ANO4: variants seen among roughly 807,000 people sequenced by gnomAD.
ANO4 encodes the protein anoctamin-4.
ANO4 carries 69 observed loss-of-function variants against 141.9 expected under a neutral mutation model. The ratio of observed to expected loss-of-function variants is 0.49; its 90% CI spans 0.40 to 0.59. The LOEUF is 0.59. Ranked by LOEUF, ANO4 falls within the 20% of genes least tolerant of loss-of-function variation. The pLI is 0.00. For missense variants in ANO4, 894 were observed against 1,162.2 expected, an observed-to-expected ratio of 0.77 and a Z score of 3.36; for synonymous variants, 350 against 394.3, an observed-to-expected ratio of 0.89 and a Z score of 1.33.
At chr12:100,923,350 T>C (rs765541874) in intron 3 of ANO4, among the ~76,000 whole-genome samples, 9 of 143,252 alleles carry the variant, frequency 6.3e-5, no homozygotes, top group Non-Finnish European at 1.2e-4. Context: ...AATCATCTCA[T>C]TGTTCATTTC....
At chr12:100,740,099 A>C in exon 3 of ANO4, 1 of 702,418 alleles carries the variant, frequency 1.4e-6, no homozygotes. Context: ...GAGTCAAGAC[A>C]CAACAGGTAA....
chr12:101,070,307 A>G (rs1057257585), intron 14 of ANO4, among the ~76,000 whole-genome samples: 2 of 152,324 alleles, frequency 1.3e-5, no homozygotes, highest in African/African-American at 4.8e-5. Flanking sequence ...AAGTACTAGC[A>G]TAAAAAAACA....
intron 7 of ANO4, among the ~76,000 whole-genome samples, chr12:100,983,951 T>C (rs940834050): frequency 1.8e-4 from 28 of 152,224 alleles, no homozygotes; most frequent in African/African-American, 6.3e-4. Context: ...AGTGTTTGGT[T>C]TAGTCGTAGT....
At chr12:101,052,908 C>T (rs979439349) in intron 14 of ANO4, among the ~76,000 whole-genome samples, 5 of 152,160 alleles carry the variant, frequency 3.3e-5, no homozygotes, top group African/African-American at 1.2e-4. Flanking sequence ...GGTTATGCAA[C>T]TTGCCCAGGA....
At position 100,928,789 on chromosome 12, in the gene ANO4, C is replaced by CT. The variant is rs201414508; in HGVS notation, c.160+6467dup. On this transcript the variant is annotated intron_variant, in intron 3 of 27. Coordinates refer to ENST00000392977, the MANE Select transcript of ANO4 (RefSeq NM_001286615.2). ...TTATAGAAGTAACCAAGGTGTTCAC[C>CT]TTTTTTTTACAATGAAGTAGTAGTA... is the stretch of plus-strand genomic sequence containing the variant. 5.2e-3 allele frequency among the ~76,000 whole-genome samples: 791 copies of CT among 151,928 alleles called. 9 individuals carry two copies. The highest frequency in any genetic ancestry group is 0.018 in the African/African-American group (745 of 41,472).
chr12:101,037,048 G>A (rs764126299), intron 9 of ANO4, 47 bp from the exon 10 acceptor site: 12 of 1,556,414 alleles, frequency 7.7e-6, no homozygotes, highest in Admixed American at 1.7e-5. Flanking sequence ...AACATTGTGA[G>A]TATTCAAACT....
chr12:101,088,734 A>T (rs1037151961), intron 17 of ANO4, among the ~76,000 whole-genome samples: 16 of 151,434 alleles, frequency 1.1e-4, no homozygotes, highest in African/African-American at 1.9e-4. Flanking sequence ...TACAAACAAA[A>T]TTTTTTTTTA....
chr12:101,124,174 A>G (rs1016840564), intron 26 of ANO4, among the ~76,000 whole-genome samples: 1 of 152,158 alleles, frequency 6.6e-6, no homozygotes, highest in African/African-American at 2.4e-5. Context: ...CTGGTGTAAG[A>G]TGGTATCTCA....
At chr12:100,806,523 C>CTTTTTTTTT (rs1593379234) in intron 1 of ANO4, among the ~76,000 whole-genome samples, 978 of 44,954 alleles carry the variant, frequency 0.022, 291 homozygotes, top group Middle Eastern at 0.089. Context: ...TTTTTTGTTT[C>CTTTTTTTTT]GTTTTTTTTT....
intron 2 of ANO4, among the ~76,000 whole-genome samples, chr12:100,911,489 C>G (rs1297611817): frequency 1.3e-5 from 2 of 152,186 alleles, no homozygotes; most frequent in Non-Finnish European, 2.9e-5. Context: ...CTTGTGTAAT[C>G]GTCTTCAAAG....
intron 1 of ANO4, among the ~76,000 whole-genome samples, chr12:100,841,049 G>T (rs2037219203): frequency 6.6e-6 from 1 of 152,026 alleles, no homozygotes; most frequent in South Asian, 2.1e-4. Flanking sequence ...TTAATAGGAG[G>T]TGAGCAATGG....
chr12:101,017,355 C>T (rs1431953482), intron 8 of ANO4, among the ~76,000 whole-genome samples: 1 of 152,192 alleles, frequency 6.6e-6, no homozygotes, highest in Non-Finnish European at 1.5e-5. Flanking sequence ...TACCTCCCAC[C>T]AGGTCCCTCC....
chr12:100,936,098 A>C (rs2042275829), intron 3 of ANO4, among the ~76,000 whole-genome samples: 1 of 152,204 alleles, frequency 6.6e-6, no homozygotes, highest in Non-Finnish European at 1.5e-5. Flanking sequence ...ATTGTCTAAC[A>C]GATTGCCATG....
intron 7 of ANO4, among the ~76,000 whole-genome samples, chr12:100,979,895 C>CTTTTTTTTTTTTT (rs71091474): frequency 1.3e-4 from 16 of 119,412 alleles, no homozygotes; most frequent in South Asian, 3.0e-4. Context: ...GCCCAGCTGA[C>CTTTTTTTTTTTTT]TTTTTTTTTT....
At chr12:101,043,465 T>C in intron 12 of ANO4, 74 bp from the exon 13 acceptor site, 2 of 1,092,976 alleles carry the variant, frequency 1.8e-6, no homozygotes, top group Non-Finnish European at 2.8e-6. Flanking sequence ...TATTTACTAG[T>C]TGAACATTCT....
At chr12:100,893,078 G>A (rs1301049292) in intron 1 of ANO4, among the ~76,000 whole-genome samples, 1 of 152,188 alleles carries the variant, frequency 6.6e-6, no homozygotes, top group Admixed American at 6.5e-5. Flanking sequence ...GGTGCTAACA[G>A]AGTGCAGGGG....
At chr12:100,847,495 GGA>G (rs34291539) in intron 1 of ANO4, among the ~76,000 whole-genome samples, 25,916 of 106,570 alleles carry the variant, frequency 0.24, 2,810 homozygotes, top group Middle Eastern at 0.4. Flanking sequence ...TTTTTGAGGT[GGA>G]GTCTCACTCT....
chr12:100,729,360 C>CAAAAAAAAAAAAAAAAAAAAAAA lies in ANO4; in HGVS notation c.23-4406_23-4384dup, dbSNP rs1156522144. On this transcript the variant is annotated intron_variant, in intron 1 of 29. Transcript: ENST00000644049. The stretch of plus-strand genomic sequence containing the variant: ...TAAAAGCAAGGGCAAAACTCTGTCT[C>CAAAAAAAAAAAAAAAAAAAAAAA]AAAAAAAAAAAAAAAAAAAAAAAAA... Among the ~76,000 whole-genome samples, 3 of 22,568 alleles carry CAAAAAAAAAAAAAAAAAAAAAAA rather than the reference C, an allele frequency of 1.3e-4. 1 individual carries two copies. The highest frequency in any genetic ancestry group is 2.5e-4 in the Non-Finnish European group (3 of 11,968). 14.8% of individuals were successfully genotyped at this position (22,568 alleles called of 152,430 possible).
chr12:100,753,134 G>T (rs2032457548), intron 3 of ANO4, among the ~76,000 whole-genome samples: 1 of 152,168 alleles, frequency 6.6e-6, no homozygotes, highest in African/African-American at 2.4e-5. Flanking sequence ...AATCATGCAA[G>T]CACTCCAAGC....
Sources: allele counts gnomAD v4.1 joint callset (sites outside exome capture counted in the v4.1 genomes callset), GRCh38; gene constraint gnomAD v4.1.1; transcripts MANE v1.5; gene names NCBI Gene and HGNC (gene_info 2026-07-23, HGNC 2026-07-21).